Variants in CRISPLD2 observed in about 807,000 individuals in gnomAD.
CRISPLD2 encodes the protein cysteine rich secretory protein LCCL domain containing 2.
A neutral mutation model predicts 71.1 loss-of-function variants in CRISPLD2; 47 were observed. That is an observed-to-expected ratio of 0.66 (90% CI 0.52 to 0.84). The LOEUF (loss-of-function observed/expected upper bound fraction) is 0.84. Ranked by LOEUF, CRISPLD2 falls within the 40% of genes least tolerant of loss-of-function variation. The pLI, the probability that CRISPLD2 is intolerant of heterozygous loss-of-function variation, is 0.00. For missense variants in CRISPLD2, 830 were observed against 651.1 expected (o/e 1.27, Z -2.99); for synonymous variants, 317 against 250.1 (o/e 1.27, Z -2.52).
chr16:84,888,340 C>T (rs1173867897), intron 13 of CRISPLD2, among the ~76,000 whole-genome samples: 5 of 152,190 alleles, frequency 3.3e-5, no homozygotes, highest in Admixed American at 2.0e-4. Context: ...TCAGGACCAG[C>T]GTGAGCAACA....
At chr16:84,861,708 C>G (rs978143311) in intron 6 of CRISPLD2, among the ~76,000 whole-genome samples, 1 of 152,142 alleles carries the variant, frequency 6.6e-6, no homozygotes, top group Non-Finnish European at 1.5e-5. Context: ...TTAACCATCA[C>G]AGGCCAGGAG....
rs139975503 is a variant in CRISPLD2, at chr16:84,880,571, A to G, written c.1292A>G (p.Asn431Ser). The change falls in exon 13 of 15, where the codon AAC becomes AGC. Residue 431 changes from asparagine to serine, a missense_variant. By Grantham distance (46) the Asn-to-Ser change is conservative (BLOSUM62 1). Transcript: ENST00000262424. ...TACTGGGCTCCGGTGTTTGGAACCA[A>G]CATCTATGCAGATGTGAGTAGGATG... Reference protein sequence around the residue: ...PSYWAPVFGTNIYADTSSICK... With the variant: ...PSYWAPVFGTSIYADTSSICK... The G allele has an allele frequency of 1.9e-3, 3,016 of 1,613,828 alleles. 22 individuals are homozygous for G. The highest frequency in any genetic ancestry group is 0.012 in the South Asian group (1,088 of 91,056).
chr16:84,831,459 G>A (rs1340545153), intron 1 of CRISPLD2, among the ~76,000 whole-genome samples: 2 of 152,116 alleles, frequency 1.3e-5, no homozygotes, highest in Non-Finnish European at 2.9e-5. Flanking sequence ...CTGGAAAGCA[G>A]TAGCACGATC....
At chr16:84,830,182 C>A (rs1452747791) in intron 1 of CRISPLD2, among the ~76,000 whole-genome samples, 1 of 152,100 alleles carries the variant, frequency 6.6e-6, no homozygotes, top group African/African-American at 2.4e-5. Context: ...ATTAGCTGTG[C>A]CTGGTGTTGC....
chr16:84,902,768 A>ATTTTTTTTTTT (rs2071766669), intron 14 of CRISPLD2, among the ~76,000 whole-genome samples: 2 of 104,696 alleles, frequency 1.9e-5, no homozygotes, highest in Non-Finnish European at 3.6e-5. Context: ...AAATCGGCCC[A>ATTTTTTTTTTT]TTGCTTTTTT....
intron 6 of CRISPLD2, among the ~76,000 whole-genome samples, chr16:84,862,568 A>G (rs888262324): frequency 1.3e-5 from 2 of 151,998 alleles, no homozygotes; most frequent in African/African-American, 4.8e-5. Flanking sequence ...TCTGGTGCCT[A>G]AAGCGTTTCT....
chr16:84,820,858 C>T (rs1160091964), intron 1 of CRISPLD2, among the ~76,000 whole-genome samples: 1 of 152,044 alleles, frequency 6.6e-6, no homozygotes, highest in African/African-American at 2.4e-5. Context: ...ACCCTGGAAG[C>T]GGAGGGCTCA....
Position 84,838,592 on chromosome 16 carries a change from G to C in CRISPLD2, c.97G>C (p.Glu33Gln). ...YLLPNVTLLE[E>Q]LLSKYQHNES... is the part of the protein sequence containing the mutation. ...CCTGCCCAACGTCACTCTCTTAGAG[G>C]AGCTGCTCAGCAAATACCAGCACAA... The change falls in exon 2 of 15, where the codon GAG (glutamate) becomes CAG (glutamine). Residue 33 changes from glutamate to glutamine, a missense_variant. Physicochemically the swap from Glu to Gln is conservative, Grantham distance 29. Transcript: ENST00000262424. 3.1e-6 allele frequency: 5 copies of C among 1,614,196 alleles called. No individual in the cohort carries two copies. The highest frequency in any genetic ancestry group is 4.2e-6 in the Non-Finnish European group (5 of 1,180,030).
chr16:84,881,556 C>A (rs1185676759), intron 13 of CRISPLD2, among the ~76,000 whole-genome samples: 1 of 152,202 alleles, frequency 6.6e-6, no homozygotes, highest in African/African-American at 2.4e-5. Flanking sequence ...CGGCCCAGAA[C>A]CGGGATTATC....
At position 84,820,016 on chromosome 16, in the gene CRISPLD2, T is replaced by G. The variant is rs2172623; in HGVS notation, c.-192T>G. ...ATCCCAGGGCGTCTCCGGCTGCTCCTATTGAGCTGTCTGCTCGCTGTGCCC... is the reference window on the plus strand; with the variant it reads ...ATCCCAGGGCGTCTCCGGCTGCTCCGATTGAGCTGTCTGCTCGCTGTGCCC... On this transcript the variant is annotated 5_prime_UTR_variant, in exon 1 of 15. Coordinates refer to ENST00000262424, the MANE Select transcript of CRISPLD2 (RefSeq NM_031476.4). 1 of 152,320 alleles carries G rather than the reference T, an allele frequency of 6.6e-6. No homozygotes were observed. Among genetic ancestry groups the G allele is most frequent in the East Asian group, 1.9e-4 (1 of 5,194 alleles). The allele number at this position is 152,320 out of a possible 1,614,324, so 9.4% of individuals were successfully genotyped here.
At chr16:84,905,346 A>G (rs66630464) in intron 14 of CRISPLD2, among the ~76,000 whole-genome samples, 16,101 of 152,190 alleles carry the variant, frequency 0.11, 1,465 homozygotes, top group East Asian at 0.25. Flanking sequence ...ATTGAATTGT[A>G]CACTTAGAAA....
intron 6 of CRISPLD2, among the ~76,000 whole-genome samples, chr16:84,863,992 G>GA (rs890297473): frequency 1.1e-4 from 12 of 112,546 alleles, no homozygotes; most frequent in Non-Finnish European, 2.3e-4. Flanking sequence ...AAGAGAGAGA[G>GA]AAAAAAAAAG....
intron 9 of CRISPLD2, 70 bp from the exon 10 acceptor site, chr16:84,872,922 G>A (rs1185060154): frequency 2.0e-6 from 3 of 1,537,494 alleles, no homozygotes; most frequent in African/African-American, 1.4e-5. Flanking sequence ...CAAATGTTTG[G>A]GTATTTCTGG....
intron 6 of CRISPLD2, among the ~76,000 whole-genome samples, chr16:84,856,838 T>G (rs1295242715): frequency 6.6e-6 from 1 of 152,218 alleles, no homozygotes; most frequent in South Asian, 2.1e-4. Flanking sequence ...ACTGCCACAC[T>G]TTTTTAGCCA....
intron 1 of CRISPLD2, among the ~76,000 whole-genome samples, chr16:84,829,908 G>A (rs1916445353): frequency 6.6e-6 from 1 of 152,246 alleles, no homozygotes; most frequent in African/African-American, 2.4e-5. Context: ...TCCCACGTTG[G>A]CGTGGGTTTG....
chr16:84,880,097 C>A (rs1387068262), intron 12 of CRISPLD2, among the ~76,000 whole-genome samples: 1 of 152,194 alleles, frequency 6.6e-6, no homozygotes, highest in Non-Finnish European at 1.5e-5. Flanking sequence ...TCCACCCTTT[C>A]CTCCTCCACA....
intron 1 of CRISPLD2, among the ~76,000 whole-genome samples, chr16:84,824,201 G>T (rs1019629980): frequency 3.9e-5 from 6 of 152,192 alleles, no homozygotes; most frequent in African/African-American, 1.4e-4. Flanking sequence ...AAGGGCCTGG[G>T]ACTCTTGGAG....
intron 14 of CRISPLD2, among the ~76,000 whole-genome samples, chr16:84,898,643 T>C (rs1422087495): frequency 6.6e-6 from 1 of 152,140 alleles, no homozygotes; most frequent in Non-Finnish European, 1.5e-5. Context: ...TTGCATATGT[T>C]TTGCTACTTC....
At chr16:84,887,807 C>T (rs532555679) in intron 13 of CRISPLD2, among the ~76,000 whole-genome samples, 2 of 152,148 alleles carry the variant, frequency 1.3e-5, no homozygotes, top group Non-Finnish European at 2.9e-5. Flanking sequence ...ACCCAGGAGA[C>T]AGAGGTTGCG....
Sources: gnomAD v4.1 joint callset for allele counts (sites outside exome capture counted in the v4.1 genomes callset) on GRCh38, gnomAD v4.1.1 for gene constraint, MANE v1.5 for transcripts, NCBI Gene and HGNC (gene_info 2026-07-23, HGNC 2026-07-21) for gene names.